Variants in AFF2 observed in about 807,000 individuals in gnomAD.
AFF2 encodes the protein AF4/FMR2 family member 2.
In AFF2, 14 loss-of-function variants were observed where a neutral mutation model predicts 76.9. The observed-to-expected ratio is 0.18, with a 90% CI of 0.12 to 0.28. AFF2 has a LOEUF of 0.28. AFF2 is among the 10% of genes least tolerant of loss of function. The pLI is 1.00. For synonymous variants in AFF2, 398 were observed against 366.7 expected (o/e 1.09, Z -0.98); for missense variants, 868 against 1,001.1 (o/e 0.87, Z 1.79).
chrX:148,843,460 C>A (rs782026340), intron 7 of AFF2, 27 bp downstream of exon 7: 5 of 1,175,409 alleles, frequency 4.3e-6, no homozygotes, highest in Non-Finnish European at 3.5e-6. Context: ...CCAAATCAGG[C>A]CTTTTTGGGG....
intron 1 of AFF2, among the ~76,000 whole-genome samples, chrX:148,582,445 G>T (rs1484224336): frequency 1.8e-5 from 2 of 111,525 alleles, no homozygotes; most frequent in African/African-American, 6.5e-5. Context: ...TCTTCAAAGA[G>T]CATATACAAA....
At chrX:148,670,574 T>C (rs782593863) in intron 3 of AFF2, among the ~76,000 whole-genome samples, 7 of 111,833 alleles carry the variant, frequency 6.3e-5, no homozygotes, top group Non-Finnish European at 1.3e-4. Context: ...CTGTCACTTA[T>C]CTTGAATTTG....
At chrX:148,867,195 G>A (rs1368927787) in intron 7 of AFF2, among the ~76,000 whole-genome samples, 2 of 112,666 alleles carry the variant, frequency 1.8e-5, no homozygotes, top group Non-Finnish European at 3.8e-5. Context: ...CCCACATTGA[G>A]GCAAGATGGG....
chrX:148,786,647 T>C (rs374171949), intron 3 of AFF2, among the ~76,000 whole-genome samples: 4 of 112,072 alleles, frequency 3.6e-5, no homozygotes, highest in African/African-American at 1.3e-4. Context: ...CCTAGTGAAA[T>C]CATTTTAACT....
At chrX:148,507,238 T>C (rs1287167530) in intron 1 of AFF2, among the ~76,000 whole-genome samples, 4 of 112,372 alleles carry the variant, frequency 3.6e-5, no homozygotes, top group Non-Finnish European at 7.5e-5. Flanking sequence ...CAGTCTGATC[T>C]TTTTGCAGAA....
chrX:148,892,188 T>C (rs782545524), intron 8 of AFF2, among the ~76,000 whole-genome samples: 1 of 111,933 alleles, frequency 8.9e-6, no homozygotes, highest in African/African-American at 3.2e-5. Context: ...TTCTGTGAAA[T>C]GTTCACTTAA....
intron 1 of AFF2, among the ~76,000 whole-genome samples, chrX:148,634,192 G>A (rs1557253455): frequency 8.9e-6 from 1 of 111,958 alleles, no homozygotes; most frequent in East Asian, 2.8e-4. Context: ...GTGTTTCGCA[G>A]GTGTGTGGTG....
chrX:148,510,370 C>T (rs782310099), intron 1 of AFF2, among the ~76,000 whole-genome samples: 5 of 111,614 alleles, frequency 4.5e-5, no homozygotes, highest in Non-Finnish European at 9.4e-5. Context: ...AAGGGTTCAG[C>T]GACTTGCCCA....
intron 7 of AFF2, among the ~76,000 whole-genome samples, chrX:148,884,629 A>G (rs1430278497): frequency 6.2e-5 from 7 of 112,338 alleles, no homozygotes; most frequent in Admixed American, 2.8e-4. Context: ...TGTCTGCAAA[A>G]TGAGGCCAGT....
intron 1 of AFF2, among the ~76,000 whole-genome samples, chrX:148,638,872 G>A (rs781869185): frequency 1.1e-3 from 124 of 111,837 alleles, no homozygotes; most frequent in African/African-American, 3.7e-3. Flanking sequence ...CCCAAAGAAA[G>A]CTACTCTCTA....
intron 1 of AFF2, among the ~76,000 whole-genome samples, chrX:148,614,742 C>CCT: frequency 3.7e-5 from 1 of 26,949 alleles, no homozygotes; most frequent in African/African-American, 1.6e-4. Flanking sequence ...TCCTTCTTTT[C>CCT]TTTCTTTCTT....
At chrX:148,771,745 A>G (rs2069590079) in intron 3 of AFF2, among the ~76,000 whole-genome samples, 2 of 112,595 alleles carry the variant, frequency 1.8e-5, no homozygotes, top group African/African-American at 6.4e-5. Flanking sequence ...CAAAGTATTA[A>G]CAAGGGGAGA....
At chrX:148,521,342 A>G (rs782136988) in intron 1 of AFF2, among the ~76,000 whole-genome samples, 1 of 104,027 alleles carries the variant, frequency 9.6e-6, no homozygotes, top group South Asian at 4.7e-4. Flanking sequence ...TACCACATTC[A>G]GGTTCCACAG....
intron 1 of AFF2, among the ~76,000 whole-genome samples, chrX:148,529,574 G>T (rs992363874): frequency 8.9e-6 from 1 of 111,959 alleles, no homozygotes; most frequent in Non-Finnish European, 1.9e-5. Flanking sequence ...AATTGGATGC[G>T]TGTTTGTCCA....
At chrX:148,690,944 T>TGTATC (rs1375386000) in intron 3 of AFF2, among the ~76,000 whole-genome samples, 2 of 111,686 alleles carry the variant, frequency 1.8e-5, no homozygotes, top group Non-Finnish European at 3.8e-5. Flanking sequence ...TTCCCCTGTG[T>TGTATC]GTATCTTAAT....
At position 148,819,273 on chromosome X, in the gene AFF2, CAT is replaced by C. The variant is rs781967797; in HGVS notation, c.1086+9354_1086+9355del. Among the ~76,000 whole-genome samples the C allele has an allele frequency of 3.6e-4, 40 of 111,027 alleles. 2 individuals carry two copies. In the South Asian group the frequency reaches 0.014, roughly 40 times the overall value. On this transcript the variant is annotated intron_variant, in intron 4 of 20. Transcript: ENST00000370460. ...TTATATACAGATTTTTGCATGAACA[CAT>C]GTTTTCATTTATCTTTGGAATATAC...
chrX:148,911,935 G>A (rs1205941500), intron 9 of AFF2, among the ~76,000 whole-genome samples: 4 of 112,019 alleles, frequency 3.6e-5, no homozygotes, highest in East Asian at 2.8e-4. Flanking sequence ...ATATATGCAC[G>A]TGTATGTTCA....
intron 1 of AFF2, among the ~76,000 whole-genome samples, chrX:148,597,217 G>A (rs962100065): frequency 1.8e-5 from 2 of 111,181 alleles, no homozygotes; most frequent in Non-Finnish European, 3.8e-5. Context: ...ATCTCAAGTC[G>A]GGCTGCTTTG....
intron 1 of AFF2, among the ~76,000 whole-genome samples, chrX:148,571,196 TC>T (rs1427173699): frequency 8.9e-6 from 1 of 111,949 alleles, no homozygotes; most frequent in East Asian, 2.8e-4. Flanking sequence ...GAGCTGCTTT[TC>T]TGGGCAAGCC....
Sources: gnomAD v4.1 joint callset for allele counts (sites outside exome capture counted in the v4.1 genomes callset) on GRCh38, gnomAD v4.1.1 for gene constraint, MANE v1.5 for transcripts, NCBI Gene and HGNC (gene_info 2026-07-23, HGNC 2026-07-21) for gene names.